The following ANO3 variants were observed in gnomAD, a reference collection of about 807,000 sequenced individuals.
The protein encoded by ANO3 is anoctamin 3, also known as anoctamin-3.
A neutral mutation model predicts 144.8 loss-of-function variants in ANO3; 99 were observed. That is an observed-to-expected ratio of 0.68 (90% CI 0.58 to 0.81). The LOEUF is 0.81. Ranked by LOEUF, ANO3 falls within the 30% of genes least tolerant of loss-of-function variation. The pLI is 0.00. For missense variants in ANO3, 905 were observed against 1,202.2 expected (o/e 0.75, Z 3.66); for synonymous variants, 414 against 392.6 (o/e 1.05, Z -0.64).
chr11:26,208,512 CAAAA>C (rs67196052), intron 1 of ANO3, among the ~76,000 whole-genome samples: 7 of 121,742 alleles, frequency 5.7e-5, no homozygotes, highest in African/African-American at 1.0e-4. Context: ...GACTCCGTCT[CAAAA>C]AAAAAAAAAA....
intron 5 of ANO3, among the ~76,000 whole-genome samples, chr11:26,513,475 C>A (rs889026148): frequency 6.6e-6 from 1 of 152,070 alleles, no homozygotes; most frequent in African/African-American, 2.4e-5. Flanking sequence ...TAAAACAAAT[C>A]GGGAACAACC....
chr11:26,643,978 G>A (rs1005652915), intron 23 of ANO3, among the ~76,000 whole-genome samples: 5 of 152,136 alleles, frequency 3.3e-5, no homozygotes, highest in African/African-American at 9.7e-5. Flanking sequence ...GAACCTGCTG[G>A]TGCATTTATC....
At chr11:26,513,561 T>C (rs778593548) in intron 5 of ANO3, among the ~76,000 whole-genome samples, 19 of 152,136 alleles carry the variant, frequency 1.2e-4, no homozygotes, top group Non-Finnish European at 2.1e-4. Context: ...CATCAGATAT[T>C]AGTCACTCTT....
chr11:26,516,118 A>G (rs1285177829), intron 5 of ANO3, among the ~76,000 whole-genome samples: 1 of 151,898 alleles, frequency 6.6e-6, no homozygotes, highest in Non-Finnish European at 1.5e-5. Flanking sequence ...TGATCAAAAT[A>G]TGCAAATAAT....
intron 4 of ANO3, 89 bp downstream of exon 4, chr11:26,463,237 G>A: frequency 1.5e-6 from 1 of 663,282 alleles, no homozygotes; most frequent in Non-Finnish European, 2.5e-6. Context: ...GTTTTCTGCT[G>A]GAGAATATAA....
intron 1 of ANO3, among the ~76,000 whole-genome samples, chr11:26,255,976 T>C (rs1221145700): frequency 1.3e-5 from 2 of 152,142 alleles, no homozygotes; most frequent in East Asian, 1.9e-4. Flanking sequence ...TGGAATGATA[T>C]TCATTTTATT....
At chr11:26,494,653 A>G (rs1860852553) in intron 4 of ANO3, among the ~76,000 whole-genome samples, 1 of 152,166 alleles carries the variant, frequency 6.6e-6, no homozygotes, top group African/African-American at 2.4e-5. Context: ...CTTAGATTTC[A>G]TGTAAGAAAT....
In ANO3 at chr11:26,555,681, C is replaced by T. The variant is rs569789968; in HGVS notation, c.1386+2336C>T. 5.3e-5 allele frequency among the ~76,000 whole-genome samples: 8 copies of T among 152,208 alleles called. No homozygotes were observed. In the East Asian group the frequency reaches 1.4e-3, roughly 26 times the overall value. On this transcript the variant is annotated intron_variant, in intron 13 of 26. Coordinates refer to ENST00000256737, the MANE Select transcript of ANO3 (RefSeq NM_031418.4). ...AAATGTCTTTTATTTGTTCCTCTGA[C>T]TAAGATAAAATGTAGCTACTTGTTT...
At chr11:26,203,428 G>A (rs548907975) in intron 1 of ANO3, among the ~76,000 whole-genome samples, 1 of 152,154 alleles carries the variant, frequency 6.6e-6, no homozygotes, top group East Asian at 1.9e-4. Flanking sequence ...AGTTTTACAT[G>A]GCACAGGAGC....
chr11:26,491,781 G>A (rs1157250023), intron 4 of ANO3, among the ~76,000 whole-genome samples: 2 of 151,958 alleles, frequency 1.3e-5, no homozygotes, highest in Non-Finnish European at 2.9e-5. Context: ...CCACTTCCAT[G>A]CTCACTGCCA....
At chr11:26,536,537 G>A (rs1015712703) in intron 9 of ANO3, among the ~76,000 whole-genome samples, 1 of 151,706 alleles carries the variant, frequency 6.6e-6, no homozygotes, top group South Asian at 2.1e-4. Context: ...TTATATATAT[G>A]TATATAAATT....
intron 1 of ANO3, among the ~76,000 whole-genome samples, chr11:26,344,970 G>T (rs1198987144): frequency 1.3e-5 from 2 of 152,056 alleles, no homozygotes; most frequent in Non-Finnish European, 2.9e-5. Flanking sequence ...ATGCTCTAAA[G>T]AAACACTATA....
chr11:26,475,429 T>C (rs1396994624), intron 4 of ANO3, among the ~76,000 whole-genome samples: 1 of 152,004 alleles, frequency 6.6e-6, no homozygotes, highest in Non-Finnish European at 1.5e-5. Context: ...CATAAGACAC[T>C]TCATAGGAAA....
chr11:26,216,111 C>G (rs1332477062), intron 1 of ANO3, among the ~76,000 whole-genome samples: 1 of 151,920 alleles, frequency 6.6e-6, no homozygotes, highest in Non-Finnish European at 1.5e-5. Context: ...AGATGGAAGG[C>G]TTTGGTATAA....
chr11:26,616,785 T>G (rs979829141), intron 17 of ANO3, among the ~76,000 whole-genome samples: 1 of 152,210 alleles, frequency 6.6e-6, no homozygotes, highest in African/African-American at 2.4e-5. Context: ...TTATTTTTAT[T>G]TTTTTGAGAT....
At chr11:26,655,560 AC>A (rs929023304) in intron 24 of ANO3, among the ~76,000 whole-genome samples, 2 of 152,106 alleles carry the variant, frequency 1.3e-5, no homozygotes, top group Non-Finnish European at 2.9e-5. Context: ...AACATTCTAT[AC>A]AATCTACTTA....
At chr11:26,273,603 A>G (rs1050244586) in intron 1 of ANO3, among the ~76,000 whole-genome samples, 1 of 150,076 alleles carries the variant, frequency 6.7e-6, no homozygotes, top group Non-Finnish European at 1.5e-5. Flanking sequence ...GAGCAACCCA[A>G]AGAAATCATG....
rs534298673 is a variant in ANO3, at chr11:26,354,423, A to G, written c.46+22102A>G. 7.9e-5 allele frequency among the ~76,000 whole-genome samples: 12 copies of G among 152,336 alleles called. No individual in the cohort carries two copies. In the South Asian group the frequency reaches 2.1e-3, roughly 26 times the overall value. ...CAGGTGCATTCTTTTCTCCAAGCACATCAATTTGTATGCATTAAATATATC... is the reference window on the plus strand; with the variant it reads ...CAGGTGCATTCTTTTCTCCAAGCACGTCAATTTGTATGCATTAAATATATC... On this transcript the variant is annotated intron_variant, in intron 1 of 26. Transcript: ENST00000256737.
At chr11:26,608,182 G>A (rs1851988790) in intron 17 of ANO3, among the ~76,000 whole-genome samples, 1 of 152,070 alleles carries the variant, frequency 6.6e-6, no homozygotes, top group Non-Finnish European at 1.5e-5. Context: ...TCTTTCAATG[G>A]TCAGGTCTCT....
Sources: allele counts gnomAD v4.1 joint callset (sites outside exome capture counted in the v4.1 genomes callset), GRCh38; gene constraint gnomAD v4.1.1; transcripts MANE v1.5; gene names NCBI Gene and HGNC (gene_info 2026-07-23, HGNC 2026-07-21).